Variants in KDELR3 observed in about 807,000 individuals in gnomAD.
KDELR3 encodes ER lumen protein-retaining receptor 3.
Under a neutral mutation model 22.7 loss-of-function variants are expected in KDELR3, and 26 were observed. The ratio of observed to expected loss-of-function variants is 1.15; its 90% CI spans 0.84 to 1.59. The LOEUF is 1.59. KDELR3 is among the 40% of genes most tolerant of loss of function. KDELR3 has a pLI of 0.00. For synonymous variants in KDELR3, 120 were observed against 98.2 expected, an observed-to-expected ratio of 1.22 and a Z score of -1.31; for missense variants, 289 against 251.1, an observed-to-expected ratio of 1.15 and a Z score of -1.02.
rs552917344 is a variant in KDELR3 at position 38,477,757 on chromosome 22, A to G, written c.193-1836A>G. ...GTGAATGTGAATCTGAGGACTGGAA[A>G]TCACCGTCTACTTAAGTTCACACAT... On this transcript the variant is annotated intron_variant, in intron 2 of 4. Coordinates refer to ENST00000216014, the MANE Select transcript of KDELR3 (RefSeq NM_006855.4). Among the ~76,000 whole-genome samples, 594 of 152,274 alleles carry G rather than the reference A, an allele frequency of 3.9e-3. 4 individuals carry two copies. The highest frequency in any genetic ancestry group is 0.014 in the African/African-American group (563 of 41,534).
chr22:38,482,164 G>A (rs1288336855), intron 4 of KDELR3, among the ~76,000 whole-genome samples: 6 of 152,208 alleles, frequency 3.9e-5, no homozygotes, highest in South Asian at 2.1e-4. Context: ...CTATGGGGCA[G>A]TTGCAGTTGA....
At position 38,481,357 on chromosome 22, in the gene KDELR3, G is replaced by T; in HGVS notation, c.497G>T (p.Trp166Leu). Residue 166 changes from tryptophan (W) to leucine (L), a missense_variant, in exon 4 of 5, where the codon TGG (tryptophan) becomes TTG (leucine). Physicochemically the swap from Trp to Leu is moderately conservative, Grantham distance 61. Transcript: ENST00000216014. ...TACCGGGCACTCTACCTGGCTAACT[G>T]GATCAGGCGGTACCAGACTGAGAAT... ...GLYRALYLAN[W>L]IRRYQTENFY... 6.2e-7 allele frequency: 1 copy of T among 1,614,178 alleles called. No homozygotes were observed. The highest frequency in any genetic ancestry group is 8.5e-7 in the Non-Finnish European group (1 of 1,180,040).
chr22:38,479,835 CTTACAACTGTGACCA>C (rs1441284426), intron 3 of KDELR3, 84 bp downstream of exon 3: 4 of 1,270,574 alleles, frequency 3.1e-6, no homozygotes, highest in Admixed American at 1.9e-5. Flanking sequence ...TTGCCTTCTG[CTTACAACTGTGACCA>C]TTACTCATGT....
Position 38,482,681 on chromosome 22 carries a change from C to T in KDELR3, c.*145C>T, listed in dbSNP as rs1569134620. 1.4e-6 allele frequency: 1 copy of T among 707,170 alleles called. No homozygotes were observed. The highest frequency in any genetic ancestry group is 1.8e-5 in the African/African-American group (1 of 56,182). 43.8% of individuals were successfully genotyped at this position (707,170 alleles called of 1,614,324 possible). On this transcript the variant is annotated 3_prime_UTR_variant, in exon 5 of 5. Transcript: ENST00000216014. ...TGGATTTCAGCAAAACCTGATCATC[C>T]CACCCAGAAGACCTTCTCATCAATA...
rs17173761 is a variant in KDELR3, at chr22:38,481,859, G to A, written c.604+395G>A. On this transcript the variant is annotated intron_variant, in intron 4 of 4. Transcript: ENST00000216014. ...TAGGGCAGGGGTGTCCAACCTTTTG[G>A]CTGCCCTGGCCCACACTGAAGAATT... is the stretch of plus-strand genomic sequence containing the variant. Among the ~76,000 whole-genome samples, 429 of 152,310 alleles carry A rather than the reference G, an allele frequency of 2.8e-3. 1 individual carries two copies. Among genetic ancestry groups the A allele is most frequent in the South Asian group, 7.2e-3 (35 of 4,830 alleles).
chr22:38,481,752 A>C, intron 4 of KDELR3: 1 of 842,700 alleles, frequency 1.2e-6, no homozygotes. Flanking sequence ...CAAGGCAACC[A>C]CCAGCTTGGT....
At chr22:38,476,899 G>A (rs920096352) in intron 2 of KDELR3, among the ~76,000 whole-genome samples, 1 of 132,906 alleles carries the variant, frequency 7.5e-6, no homozygotes, top group African/African-American at 2.9e-5. Flanking sequence ...CTCTGCTCCC[G>A]GGTTCAAGTT....
chr22:38,482,940 A>T lies in KDELR3; in HGVS notation c.*404A>T, dbSNP rs1199673960. The T allele has an allele frequency of 5.7e-6, 1 of 175,190 alleles. No homozygotes were observed. Among genetic ancestry groups the T allele is most frequent in the East Asian group, 1.5e-4 (1 of 6,534 alleles). 10.9% of individuals were successfully genotyped at this position (175,190 alleles called of 1,614,324 possible). A position where few individuals can be genotyped will look rare whatever the true frequency, so the allele number is the denominator to read the frequency against. ...TAAAGACCAGTTAAAATATTAGGGT[A>T]CGTTCTTGTGAATTTCCACTTTCCA... On this transcript the variant is annotated 3_prime_UTR_variant, in exon 5 of 5. Transcript: ENST00000216014.
In KDELR3 at chr22:38,481,197, T is replaced by C. The variant is rs2089597115; in HGVS notation, c.352-15T>C. The stretch of plus-strand genomic sequence containing the variant: ...TGGTCTTGCTCAGTCTCTGGTTGCT[T>C]TCTCTTTGGCTCAGATCCTCTGGAC... On this transcript the variant is annotated splice_polypyrimidine_tract_variant and intron_variant, in intron 3 of 4. Transcript: ENST00000216014. The C allele has an allele frequency of 6.2e-7, 1 of 1,605,506 alleles. No individual in the cohort carries two copies. Among genetic ancestry groups the C allele is most frequent in the Non-Finnish European group, 8.5e-7 (1 of 1,175,660 alleles).
At chr22:38,477,074 CTTTTT>C (rs138429) in intron 2 of KDELR3, among the ~76,000 whole-genome samples, 3 of 124,552 alleles carry the variant, frequency 2.4e-5, no homozygotes, top group African/African-American at 3.1e-5. Context: ...GCCTGGCTAA[CTTTTT>C]TTTTTTTTTT....
At chr22:38,482,027 C>CG (rs1038447316) in intron 4 of KDELR3, among the ~76,000 whole-genome samples, 23 of 152,196 alleles carry the variant, frequency 1.5e-4, no homozygotes, top group Non-Finnish European at 3.2e-4. Flanking sequence ...CTTGACCTAG[C>CG]GCCTCGTAGG....
rs140765967 is a variant in KDELR3 at position 38,481,451 on chromosome 22, G to T, written c.591G>T (p.Leu197Phe). 8 of 1,614,038 alleles carry T rather than the reference G, an allele frequency of 5.0e-6. No individual in the cohort carries two copies. Among genetic ancestry groups the T allele is most frequent in the African/African-American group, 1.3e-5 (1 of 74,906 alleles). The part of the protein sequence containing the change: ...QTIFYCDFFY[L>F]YVTKVLKGKK... ...TCTTCTACTGTGACTTCTTCTACTT[G>T]TATGTGACCAAAGGTAGGTCCTGGG... The change falls in exon 4 of 5, where the codon TTG becomes TTT. Residue 197 changes from leucine (L) to phenylalanine (F), a missense_variant. Leu to Phe is a conservative substitution (Grantham distance 22, BLOSUM62 0). Transcript: ENST00000216014.
chr22:38,474,123 C>T (rs2089542230), intron 1 of KDELR3, among the ~76,000 whole-genome samples: 1 of 152,210 alleles, frequency 6.6e-6, no homozygotes, highest in Admixed American at 6.5e-5. Flanking sequence ...AGTTGTTCCT[C>T]CTAAGACTGA....
intron 2 of KDELR3, among the ~76,000 whole-genome samples, chr22:38,475,848 G>A (rs1191467579): frequency 6.6e-6 from 1 of 152,170 alleles, no homozygotes; most frequent in Non-Finnish European, 1.5e-5. Flanking sequence ...TGGCCAGGCT[G>A]GTCTCACGCT....
At chr22:38,479,467 C>CAT (rs1353567889) in intron 2 of KDELR3, 126 bp from the exon 3 acceptor site, 6 of 877,134 alleles carry the variant, frequency 6.8e-6, no homozygotes, top group Non-Finnish European at 1.1e-5. Flanking sequence ...ATTGCAAACA[C>CAT]ATTTAACCTC....
intron 1 of KDELR3, 95 bp downstream of exon 1, chr22:38,468,419 G>A (rs1275118119): frequency 4.8e-6 from 5 of 1,035,164 alleles, no homozygotes; most frequent in Non-Finnish European, 7.4e-6. Flanking sequence ...TCTGCTCAGG[G>A]TGGGGACTCC....
rs185880166 is a variant in KDELR3 at position 38,477,058 on chromosome 22, C to T, written c.192+2435C>T. Among the ~76,000 whole-genome samples, 4 of 148,118 alleles carry T rather than the reference C, an allele frequency of 2.7e-5. No individual in the cohort carries two copies. The East Asian group carries it at 8.0e-4, about 29-fold the overall frequency. On this transcript the variant is annotated intron_variant, in intron 2 of 4. Transcript: ENST00000216014. Reference sequence around the variant, plus strand: ...AGTAGCTGGGATTACAGATGTGTGCCACCATGCCTGGCTAACTTTTTTTTT... The same window carrying T: ...AGTAGCTGGGATTACAGATGTGTGCTACCATGCCTGGCTAACTTTTTTTTT...
intron 1 of KDELR3, among the ~76,000 whole-genome samples, chr22:38,470,987 C>CA (rs1337300353): frequency 2.0e-5 from 3 of 151,956 alleles, no homozygotes; most frequent in African/African-American, 4.8e-5. Flanking sequence ...ACTAAAAATA[C>CA]AAAAAAATTA....
intron 3 of KDELR3, 117 bp from the exon 4 acceptor site, chr22:38,481,095 C>A (rs890653863): frequency 9.0e-6 from 8 of 893,562 alleles, no homozygotes; most frequent in South Asian, 8.6e-5. Context: ...TTATTGAGAA[C>A]TTTTTCCCTC....
Sources: gnomAD v4.1 joint callset for allele counts (sites outside exome capture counted in the v4.1 genomes callset) on GRCh38, gnomAD v4.1.1 for gene constraint, MANE v1.5 for transcripts, NCBI Gene and HGNC (gene_info 2026-07-23, HGNC 2026-07-21) for gene names.